Variants in CCSER1 observed in about 807,000 individuals in gnomAD.
CCSER1 encodes the protein coiled-coil serine rich protein 1.
In CCSER1, 41 loss-of-function variants were observed where a neutral mutation model predicts 82.0. That is an observed-to-expected ratio of 0.50 (90% CI 0.39 to 0.65). The LOEUF is 0.65. CCSER1 is among the 30% of genes least tolerant of loss of function. The pLI, the probability that CCSER1 is intolerant of heterozygous loss-of-function variation, is 0.00. For synonymous variants in CCSER1, 414 were observed against 383.9 expected (o/e 1.08, Z -0.92); for missense variants, 1,119 against 1,064.2 (o/e 1.05, Z -0.72).
At chr4:90,708,809 A>G (rs1357483672) in intron 6 of CCSER1, among the ~76,000 whole-genome samples, 3 of 152,286 alleles carry the variant, frequency 2.0e-5, no homozygotes, top group South Asian at 4.1e-4. Context: ...AAGTTAACGA[A>G]TTGGTAAATC....
chr4:90,753,611 CT>C (rs1342752726), intron 7 of CCSER1, among the ~76,000 whole-genome samples: 2 of 152,100 alleles, frequency 1.3e-5, no homozygotes, highest in Non-Finnish European at 2.9e-5. Context: ...CTCACCTAGA[CT>C]ACTGCAGTGG....
intron 7 of CCSER1, among the ~76,000 whole-genome samples, chr4:90,758,989 C>A (rs990511538): frequency 3.3e-5 from 5 of 152,128 alleles, no homozygotes; most frequent in South Asian, 2.1e-4. Flanking sequence ...ACACCCTATA[C>A]ACTCCTTCCA....
intron 1 of CCSER1, among the ~76,000 whole-genome samples, chr4:90,186,724 G>A (rs921262697): frequency 6.6e-6 from 1 of 151,784 alleles, no homozygotes. Context: ...TAGAATATAG[G>A]TAAAAACTGT....
chr4:91,338,527 A>T (rs749878447), intron 10 of CCSER1, among the ~76,000 whole-genome samples: 1 of 152,192 alleles, frequency 6.6e-6, no homozygotes, highest in Admixed American at 6.6e-5. Flanking sequence ...GGTTACACAA[A>T]CAAGTTGACC....
chr4:91,585,159 C>CA (rs1763927744), intron 10 of CCSER1, among the ~76,000 whole-genome samples: 1 of 151,442 alleles, frequency 6.6e-6, no homozygotes, highest in Non-Finnish European at 1.5e-5. Flanking sequence ...CATCCTACTT[C>CA]ACCTTAGCAA....
chr4:90,780,803 C>A, intron 7 of CCSER1: 1 of 1,102,448 alleles, frequency 9.1e-7, no homozygotes, highest in Non-Finnish European at 1.1e-6. Context: ...TCCATATATG[C>A]GTGATCTTTT....
At chr4:91,426,718 T>A (rs1262419747) in intron 10 of CCSER1, among the ~76,000 whole-genome samples, 1 of 152,198 alleles carries the variant, frequency 6.6e-6, no homozygotes, top group Non-Finnish European at 1.5e-5. Flanking sequence ...AATTTCTGAT[T>A]TGTGTGTTTG....
rs575178743 is a variant in CCSER1, at chr4:90,503,900, T to C, written c.1724+35546T>C. The stretch of plus-strand genomic sequence containing the variant: ...ATCATCTATGACATGCTTAGACTTT[T>C]TGACTTATCGTATACTTTTTTCTTT... On this transcript the variant is annotated intron_variant, in intron 5 of 10. Transcript: ENST00000509176. Among the ~76,000 whole-genome samples, 21 of 152,280 alleles carry C rather than the reference T, an allele frequency of 1.4e-4. No individual in the cohort carries two copies. The South Asian group carries it at 4.3e-3, about 32-fold the overall frequency.
At chr4:91,567,376 T>TTATGTAAAGGTCTATCCAA (rs1181046934) in intron 10 of CCSER1, among the ~76,000 whole-genome samples, 2 of 152,006 alleles carry the variant, frequency 1.3e-5, no homozygotes, top group Non-Finnish European at 2.9e-5. Flanking sequence ...AGGTGGAGAG[T>TTATGTAAAGGTCTATCCAA]TATGTAAAGG....
intron 3 of CCSER1, among the ~76,000 whole-genome samples, chr4:90,352,185 G>GCAA (rs1387707382): frequency 3.3e-5 from 5 of 151,990 alleles, no homozygotes; most frequent in Middle Eastern, 3.2e-3. Flanking sequence ...TTAGCCGGGC[G>GCAA]TGGTGGCGGG....
intron 5 of CCSER1, among the ~76,000 whole-genome samples, chr4:90,536,226 G>C (rs1337223063): frequency 1.3e-5 from 2 of 151,902 alleles, no homozygotes; most frequent in Non-Finnish European, 2.9e-5. Flanking sequence ...TAGAGATGGG[G>C]TTTTGCCGTG....
chr4:90,232,858 A>C (rs1490771779), intron 1 of CCSER1, among the ~76,000 whole-genome samples: 1 of 151,902 alleles, frequency 6.6e-6, no homozygotes, highest in East Asian at 1.9e-4. Flanking sequence ...ATGCAGCCAA[A>C]AACCACATGA....
At chr4:90,311,077 A>T (rs771269922) in intron 2 of CCSER1, among the ~76,000 whole-genome samples, 4 of 152,076 alleles carry the variant, frequency 2.6e-5, no homozygotes, top group Admixed American at 6.6e-5. Context: ...TACTAAGAAG[A>T]TTGCATGCAC....
intron 6 of CCSER1, among the ~76,000 whole-genome samples, chr4:90,675,070 G>T (rs1463585708): frequency 6.6e-6 from 1 of 151,936 alleles, no homozygotes; most frequent in Non-Finnish European, 1.5e-5. Context: ...TATCATCATT[G>T]TGACCTTGAA....
chr4:90,825,621 T>C (rs1037948391), intron 8 of CCSER1, among the ~76,000 whole-genome samples: 3 of 152,156 alleles, frequency 2.0e-5, no homozygotes, highest in African/African-American at 4.8e-5. Flanking sequence ...AATTGGCTTT[T>C]ATTAACAATT....
chr4:90,701,367 T>C (rs532449196), intron 6 of CCSER1, among the ~76,000 whole-genome samples: 132 of 152,334 alleles, frequency 8.7e-4, no homozygotes, highest in Middle Eastern at 3.4e-3. Flanking sequence ...ATCAGTACCA[T>C]GTTGTTTTGC....
At chr4:91,558,683 G>A (rs180890266) in intron 10 of CCSER1, among the ~76,000 whole-genome samples, 59 of 151,644 alleles carry the variant, frequency 3.9e-4, no homozygotes, top group African/African-American at 1.4e-3. Flanking sequence ...AGAGAAAAAT[G>A]AGAAAGAAGC....
intron 5 of CCSER1, among the ~76,000 whole-genome samples, chr4:90,478,731 C>CTTTTTTTTT (rs59376887): frequency 1.4e-4 from 18 of 133,214 alleles, no homozygotes; most frequent in Non-Finnish European, 1.9e-4. Flanking sequence ...TTCTTTCTTT[C>CTTTTTTTTT]TTTTTTTTTT....
intron 10 of CCSER1, among the ~76,000 whole-genome samples, chr4:91,548,255 A>G (rs758709936): frequency 7.2e-5 from 11 of 152,202 alleles, no homozygotes; most frequent in Non-Finnish European, 1.5e-4. Context: ...AGGTAATGCA[A>G]TTACCTTATA....
Sources: allele counts gnomAD v4.1 joint callset (sites outside exome capture counted in the v4.1 genomes callset), GRCh38; gene constraint gnomAD v4.1.1; transcripts MANE v1.5; gene names NCBI Gene and HGNC (gene_info 2026-07-23, HGNC 2026-07-21).